The following KSR2 variants were observed in gnomAD, a reference collection of about 807,000 sequenced individuals.
KSR2 encodes the protein kinase suppressor of ras 2.
KSR2 carries 25 observed loss-of-function variants against 107.8 expected under a neutral mutation model. The ratio of observed to expected loss-of-function variants is 0.23; its 90% CI spans 0.17 to 0.32. The LOEUF (loss-of-function observed/expected upper bound fraction) is 0.32. Ranked by LOEUF, KSR2 falls within the 10% of genes least tolerant of loss-of-function variation. The pLI, the probability that KSR2 is intolerant of heterozygous loss-of-function variation, is 1.00. For missense variants in KSR2, 887 were observed against 1,268.9 expected (o/e 0.70, Z 4.57); for synonymous variants, 480 against 507.0 (o/e 0.95, Z 0.71).
At chr12:117,575,355 T>C (rs1879217335) in intron 7 of KSR2, among the ~76,000 whole-genome samples, 1 of 152,216 alleles carries the variant, frequency 6.6e-6, no homozygotes, top group Non-Finnish European at 1.5e-5. Flanking sequence ...CTCTCTGAAA[T>C]GTCACCTGTC....
intron 5 of KSR2, among the ~76,000 whole-genome samples, chr12:117,631,148 T>A (rs986535902): frequency 9.2e-5 from 14 of 152,090 alleles, no homozygotes; most frequent in African/African-American, 2.2e-4. Flanking sequence ...AAAACTTTTT[T>A]AAATTAGCCA....
At chr12:117,667,077 C>T (rs755680520) in intron 5 of KSR2, among the ~76,000 whole-genome samples, 3 of 152,196 alleles carry the variant, frequency 2.0e-5, no homozygotes, top group Non-Finnish European at 4.4e-5. Flanking sequence ...GATGCCTTAG[C>T]CACAGCAGCC....
chr12:117,690,084 A>G (rs1885750056), intron 4 of KSR2, among the ~76,000 whole-genome samples: 1 of 152,182 alleles, frequency 6.6e-6, no homozygotes, highest in Non-Finnish European at 1.5e-5. Flanking sequence ...CTGTGTTCCA[A>G]TAAAACTTTA....
At chr12:117,909,854 G>C (rs1244373768) in intron 1 of KSR2, among the ~76,000 whole-genome samples, 1 of 151,808 alleles carries the variant, frequency 6.6e-6, no homozygotes, top group Non-Finnish European at 1.5e-5. Flanking sequence ...GCTGCAGTGA[G>C]TCGAGATCAC....
chr12:117,684,017 T>C (rs1593127368), intron 4 of KSR2, among the ~76,000 whole-genome samples: 1 of 152,200 alleles, frequency 6.6e-6, no homozygotes, highest in Admixed American at 6.5e-5. Context: ...TTGGGTAGTT[T>C]CCCAACCACT....
At chr12:117,647,264 CTT>C (rs1435478317) in intron 5 of KSR2, among the ~76,000 whole-genome samples, 1 of 152,206 alleles carries the variant, frequency 6.6e-6, no homozygotes, top group Non-Finnish European at 1.5e-5. Flanking sequence ...CATGCCCTGA[CTT>C]TTAGCAAAGG....
intron 4 of KSR2, among the ~76,000 whole-genome samples, chr12:117,750,069 G>A (rs1888557635): frequency 1.3e-5 from 2 of 151,958 alleles, no homozygotes; most frequent in Admixed American, 1.3e-4. Flanking sequence ...CCAACATGGT[G>A]AAACCCCGTC....
intron 4 of KSR2, among the ~76,000 whole-genome samples, chr12:117,687,224 C>T (rs776844970): frequency 9.9e-5 from 15 of 152,178 alleles, no homozygotes; most frequent in Non-Finnish European, 1.8e-4. Flanking sequence ...CTGCCCCTTG[C>T]TTCTGTGGGG....
chr12:117,701,475 T>C (rs1258987380), intron 4 of KSR2, among the ~76,000 whole-genome samples: 2 of 152,088 alleles, frequency 1.3e-5, no homozygotes, highest in Non-Finnish European at 2.9e-5. Context: ...GCATATAAAA[T>C]AAAGATCAAA....
rs574495386 is a variant in KSR2 at position 117,846,874 on chromosome 12, A to T, written c.472+8554T>A. Among the ~76,000 whole-genome samples the T allele has an allele frequency of 5.3e-5, 8 of 152,306 alleles. No homozygotes were observed. The South Asian group carries it at 1.2e-3, about 24-fold the overall frequency. On this transcript the variant is annotated intron_variant, in intron 3 of 19. Coordinates refer to ENST00000339824, the MANE Select transcript of KSR2 (RefSeq NM_173598.6). Reference sequence around the variant, plus strand: ...AGGTCTGGGACACAGACTGATGAGAACCCACAGCCAGCCAGCCTTCCCCAC... The same window carrying T: ...AGGTCTGGGACACAGACTGATGAGATCCCACAGCCAGCCAGCCTTCCCCAC...
intron 3 of KSR2, among the ~76,000 whole-genome samples, chr12:117,852,605 C>G (rs1892966302): frequency 6.6e-6 from 1 of 152,110 alleles, no homozygotes; most frequent in African/African-American, 2.4e-5. Flanking sequence ...CTCATGGAAA[C>G]TGGAATCTCA....
chr12:117,888,062 C>T (rs1894229637), intron 1 of KSR2, among the ~76,000 whole-genome samples: 1 of 152,212 alleles, frequency 6.6e-6, no homozygotes, highest in Admixed American at 6.5e-5. Flanking sequence ...TGAAGAAGGG[C>T]TTAATGCTTC....
At chr12:117,547,837 C>T (rs531063085) in intron 9 of KSR2, among the ~76,000 whole-genome samples, 20 of 152,266 alleles carry the variant, frequency 1.3e-4, no homozygotes, top group Admixed American at 1.2e-3. Flanking sequence ...TGGCTCATGC[C>T]TGTAATCCCA....
chr12:117,956,665 C>G (rs770118936), intron 1 of KSR2, among the ~76,000 whole-genome samples: 21 of 137,504 alleles, frequency 1.5e-4, no homozygotes, highest in Non-Finnish European at 2.7e-4. Context: ...GGCTGCTCAC[C>G]CCTGTAATCC....
intron 4 of KSR2, among the ~76,000 whole-genome samples, chr12:117,738,644 G>A (rs561478472): frequency 3.4e-4 from 51 of 152,212 alleles, no homozygotes; most frequent in African/African-American, 1.2e-3. Flanking sequence ...GGAGGCTGAG[G>A]CGGGCGGATT....
intron 3 of KSR2, 33 bp from the exon 4 acceptor site, chr12:117,761,557 TAAGCCATGAGA>T: frequency 6.2e-7 from 1 of 1,610,704 alleles, no homozygotes; most frequent in Non-Finnish European, 8.5e-7. Context: ...AGACAATGGG[TAAGCCATGAGA>T]AAGCCAGGTG....
intron 1 of KSR2, among the ~76,000 whole-genome samples, chr12:117,931,076 AAG>A (rs998544207): frequency 3.9e-5 from 6 of 152,144 alleles, no homozygotes; most frequent in Non-Finnish European, 7.4e-5. Context: ...CAGAAACTCC[AAG>A]AGAGTCGTGC....
At chr12:117,947,258 A>AC (rs767422689) in intron 1 of KSR2, among the ~76,000 whole-genome samples, 5,114 of 70,308 alleles carry the variant, frequency 0.073, 167 homozygotes, top group Middle Eastern at 0.13. Context: ...AGAAAGAAAG[A>AC]AGATAAACCA....
At chr12:117,559,237 G>C (rs1227644895) in intron 7 of KSR2, among the ~76,000 whole-genome samples, 1 of 152,152 alleles carries the variant, frequency 6.6e-6, no homozygotes, top group Non-Finnish European at 1.5e-5. Context: ...CCGCAGAGAG[G>C]CTTCTAGTAT....
Sources: gnomAD v4.1 joint callset for allele counts (sites outside exome capture counted in the v4.1 genomes callset) on GRCh38, gnomAD v4.1.1 for gene constraint, MANE v1.5 for transcripts, NCBI Gene and HGNC (gene_info 2026-07-23, HGNC 2026-07-21) for gene names.